The following LRMDA variants were observed in gnomAD, a reference collection of about 807,000 sequenced individuals.
LRMDA encodes the protein leucine rich melanocyte differentiation associated, also known as leucine-rich melanocyte differentiation-associated protein.
LRMDA carries 18 observed loss-of-function variants against 29.8 expected under a neutral mutation model. That is an observed-to-expected ratio of 0.60 (90% CI 0.42 to 0.90). The LOEUF is 0.90. LRMDA is among the 40% of genes least tolerant of loss of function. LRMDA has a pLI of 0.00. For missense variants in LRMDA, 273 were observed against 273.9 expected, an observed-to-expected ratio of 1.00 and a Z score of 0.02; for synonymous variants, 125 against 109.4, an observed-to-expected ratio of 1.14 and a Z score of -0.89.
intron 2 of LRMDA, among the ~76,000 whole-genome samples, chr10:75,953,731 G>T (rs1846617114): frequency 6.6e-6 from 1 of 152,218 alleles, no homozygotes; most frequent in South Asian, 2.1e-4. Flanking sequence ...TTATTGGAAA[G>T]CTACTCAGGT....
intron 5 of LRMDA, among the ~76,000 whole-genome samples, chr10:76,264,190 G>C (rs1839976002): frequency 6.6e-6 from 1 of 152,054 alleles, no homozygotes; most frequent in Non-Finnish European, 1.5e-5. Context: ...CTTGAGGCCA[G>C]GAGTTCAAGA....
At chr10:76,062,102 C>A (rs1259805290) in intron 5 of LRMDA, among the ~76,000 whole-genome samples, 2 of 152,150 alleles carry the variant, frequency 1.3e-5, no homozygotes, top group African/African-American at 4.8e-5. Flanking sequence ...AAGTGGCAAG[C>A]AATTTCCTTT....
At chr10:75,435,900 T>C (rs1844258377) in intron 1 of LRMDA, among the ~76,000 whole-genome samples, 1 of 152,096 alleles carries the variant, frequency 6.6e-6, no homozygotes, top group South Asian at 2.1e-4. Context: ...TGATGATAGA[T>C]GCACCACTGG....
At chr10:75,784,543 C>CA (rs1215985378) in intron 2 of LRMDA, among the ~76,000 whole-genome samples, 2 of 151,666 alleles carry the variant, frequency 1.3e-5, no homozygotes, top group Admixed American at 6.6e-5. Context: ...ACTAAAAATA[C>CA]AAAAAATTAG....
chr10:75,523,488 A>G (rs894677270), intron 2 of LRMDA, among the ~76,000 whole-genome samples: 2 of 152,208 alleles, frequency 1.3e-5, no homozygotes, highest in Non-Finnish European at 2.9e-5. Context: ...ATGGGGAACA[A>G]GAAGATTCTA....
chr10:75,527,940 T>G (rs1162372600), intron 2 of LRMDA, among the ~76,000 whole-genome samples: 1 of 151,902 alleles, frequency 6.6e-6, no homozygotes, highest in Non-Finnish European at 1.5e-5. Context: ...CATGCCACCA[T>G]ACCCTGCTAA....
At chr10:76,225,527 G>A (rs1851936883) in intron 5 of LRMDA, among the ~76,000 whole-genome samples, 1 of 151,892 alleles carries the variant, frequency 6.6e-6, no homozygotes, top group Non-Finnish European at 1.5e-5. Flanking sequence ...TAATGAATGA[G>A]GTATTGCTCT....
chr10:76,265,089 A>G (rs570543140), intron 5 of LRMDA, among the ~76,000 whole-genome samples: 3 of 152,250 alleles, frequency 2.0e-5, no homozygotes, highest in African/African-American at 7.2e-5. Flanking sequence ...CTTATATTTG[A>G]TCCCCATGGC....
At chr10:76,153,472 T>A (rs898423825) in intron 5 of LRMDA, among the ~76,000 whole-genome samples, 4 of 152,190 alleles carry the variant, frequency 2.6e-5, no homozygotes, top group Non-Finnish European at 5.9e-5. Flanking sequence ...AGGTCTTTTA[T>A]TAAGTTTGGA....
intron 4 of LRMDA, among the ~76,000 whole-genome samples, chr10:76,048,476 T>C (rs1011324558): frequency 2.6e-5 from 4 of 152,228 alleles, no homozygotes; most frequent in African/African-American, 7.2e-5. Context: ...ATTTGTTTTT[T>C]CTATTGTAAC....
At chr10:76,178,215 C>T (rs1850976887) in intron 5 of LRMDA, among the ~76,000 whole-genome samples, 1 of 152,130 alleles carries the variant, frequency 6.6e-6, no homozygotes, top group Non-Finnish European at 1.5e-5. Context: ...GCAGGCATTG[C>T]TAAGAGGTCT....
rs182622567 is a variant in LRMDA at position 75,904,710 on chromosome 10, C to T, written c.132-131298C>T. Among the ~76,000 whole-genome samples, 71 of 152,308 alleles carry T rather than the reference C, an allele frequency of 4.7e-4. 3 individuals are homozygous for T. Among genetic ancestry groups the T allele is most frequent in the Admixed American group, 4.5e-3 (69 of 15,296 alleles). ...CCAAGATTTTAATCAGCGCTCTTTG[C>T]GGCCTGAGACCAAGTCAACATCAGC... On this transcript the variant is annotated intron_variant, in intron 2 of 6. Transcript: ENST00000611255.
At chr10:75,665,596 A>G (rs1841811960) in intron 2 of LRMDA, among the ~76,000 whole-genome samples, 2 of 152,166 alleles carry the variant, frequency 1.3e-5, no homozygotes, top group Non-Finnish European at 2.9e-5. Flanking sequence ...AAAACTTTAA[A>G]ATGAATTTTC....
intron 6 of LRMDA, among the ~76,000 whole-genome samples, chr10:76,373,625 T>C (rs745627921): frequency 6.6e-5 from 10 of 152,136 alleles, no homozygotes; most frequent in Non-Finnish European, 1.3e-4. Flanking sequence ...CAAATGTGTC[T>C]ACCTTTGGGA....
At chr10:75,945,215 C>A (rs1435752640) in intron 2 of LRMDA, among the ~76,000 whole-genome samples, 1 of 152,170 alleles carries the variant, frequency 6.6e-6, no homozygotes, top group African/African-American at 2.4e-5. Flanking sequence ...CTAATTGAGT[C>A]TCTCATGTGG....
chr10:75,786,261 G>T (rs1344537616), intron 2 of LRMDA, among the ~76,000 whole-genome samples: 1 of 152,166 alleles, frequency 6.6e-6, no homozygotes, highest in Non-Finnish European at 1.5e-5. Flanking sequence ...TGATGAGTAG[G>T]TGGAGTCCAT....
chr10:76,023,479 C>T (rs545165202), intron 2 of LRMDA, among the ~76,000 whole-genome samples: 1 of 152,302 alleles, frequency 6.6e-6, no homozygotes, highest in South Asian at 2.1e-4. Context: ...CAGTCTCATG[C>T]TGAACTTTTT....
At chr10:75,432,205 TGGAG>T (rs1317226288) in intron 1 of LRMDA, among the ~76,000 whole-genome samples, 1 of 152,230 alleles carries the variant, frequency 6.6e-6, no homozygotes, top group Non-Finnish European at 1.5e-5. Context: ...TATTTGTAAA[TGGAG>T]GAAGGGGTTT....
At chr10:75,596,089 T>C (rs1840784237) in intron 2 of LRMDA, among the ~76,000 whole-genome samples, 2 of 152,192 alleles carry the variant, frequency 1.3e-5, no homozygotes, top group South Asian at 4.1e-4. Context: ...ATTATCTATG[T>C]GAATGAATAA....
Sources: allele counts gnomAD v4.1 joint callset (sites outside exome capture counted in the v4.1 genomes callset), GRCh38; gene constraint gnomAD v4.1.1; transcripts MANE v1.5; gene names NCBI Gene and HGNC (gene_info 2026-07-23, HGNC 2026-07-21).